The following MAST4 variants were observed in gnomAD, a reference collection of about 807,000 sequenced individuals.
MAST4 encodes microtubule-associated serine/threonine-protein kinase 4.
MAST4 carries 89 observed loss-of-function variants against 162.7 expected under a neutral mutation model. The ratio of observed to expected loss-of-function variants is 0.55; its 90% CI spans 0.46 to 0.65. The LOEUF is 0.65. MAST4 is among the 30% of genes least tolerant of loss of function. The pLI, the probability that MAST4 is intolerant of heterozygous loss-of-function variation, is 0.00. For missense variants in MAST4, 3,153 were observed against 3,374.0 expected (o/e 0.93, Z 1.62); for synonymous variants, 1,479 against 1,361.1 (o/e 1.09, Z -1.91).
At chr5:67,152,023 C>T (rs547674752) in intron 24 of MAST4, among the ~76,000 whole-genome samples, 1 of 152,284 alleles carries the variant, frequency 6.6e-6, no homozygotes, top group African/African-American at 2.4e-5. Context: ...CTACCTTGGC[C>T]TCTCAAAAGT....
chr5:66,784,744 G>A (rs1020286774), intron 2 of MAST4, among the ~76,000 whole-genome samples: 1 of 152,170 alleles, frequency 6.6e-6, no homozygotes, highest in South Asian at 2.1e-4. Flanking sequence ...CAGGTCTTAC[G>A]ATAATATGAA....
chr5:67,005,375 TA>T (rs1303714335), intron 4 of MAST4, among the ~76,000 whole-genome samples: 1 of 152,210 alleles, frequency 6.6e-6, no homozygotes, highest in Non-Finnish European at 1.5e-5. Context: ...GAGGAGGAGA[TA>T]CTTTGTCTAA....
At chr5:66,970,905 G>A (rs1201418070) in intron 4 of MAST4, among the ~76,000 whole-genome samples, 2 of 152,182 alleles carry the variant, frequency 1.3e-5, no homozygotes, top group Non-Finnish European at 1.5e-5. Context: ...GCGGATTGAT[G>A]TATGCCTTTT....
intron 4 of MAST4, among the ~76,000 whole-genome samples, chr5:66,910,741 C>CT (rs1176127841): frequency 3.0e-3 from 60 of 20,092 alleles, no homozygotes; most frequent in Non-Finnish European, 5.1e-3. Flanking sequence ...TTTTTTTTTT[C>CT]TTTTTTTTTT....
At chr5:66,937,836 A>T (rs1296980027) in intron 4 of MAST4, among the ~76,000 whole-genome samples, 1 of 151,966 alleles carries the variant, frequency 6.6e-6, no homozygotes, top group Non-Finnish European at 1.5e-5. Flanking sequence ...CAGTCTAATG[A>T]TTCTGGTATT....
At chr5:66,652,043 A>G (rs1222361155) in intron 1 of MAST4, among the ~76,000 whole-genome samples, 2 of 152,190 alleles carry the variant, frequency 1.3e-5, no homozygotes, top group African/African-American at 4.8e-5. Flanking sequence ...GGAGGGGATT[A>G]CCTAGGGACA....
At chr5:66,703,615 A>C (rs769460224) in intron 1 of MAST4, among the ~76,000 whole-genome samples, 27 of 152,166 alleles carry the variant, frequency 1.8e-4, no homozygotes, top group Non-Finnish European at 3.2e-4. Context: ...ATACACATAA[A>C]ATGTGCTCAT....
chr5:66,762,399 C>G (rs6876795), intron 2 of MAST4, among the ~76,000 whole-genome samples: 12,522 of 152,210 alleles, frequency 0.082, 1,553 homozygotes, highest in African/African-American at 0.27. Flanking sequence ...CACAAAGCAG[C>G]TAGCCCAGGC....
intron 1 of MAST4, among the ~76,000 whole-genome samples, chr5:66,709,238 A>G (rs1469888442): frequency 6.6e-6 from 1 of 152,204 alleles, no homozygotes; most frequent in Non-Finnish European, 1.5e-5. Flanking sequence ...AAATTAAAAA[A>G]AAAATTCTGA....
At chr5:66,625,870 T>A (rs1017764303) in intron 1 of MAST4, among the ~76,000 whole-genome samples, 1 of 152,140 alleles carries the variant, frequency 6.6e-6, no homozygotes, top group Non-Finnish European at 1.5e-5. Flanking sequence ...GTAACAAAGA[T>A]GTAGAAACAA....
At chr5:67,081,790 T>A (rs1190023912) in intron 5 of MAST4, among the ~76,000 whole-genome samples, 3 of 152,242 alleles carry the variant, frequency 2.0e-5, no homozygotes, top group African/African-American at 7.2e-5. Context: ...GAAAATAAAA[T>A]TTCTATGCCC....
intron 1 of MAST4, among the ~76,000 whole-genome samples, chr5:66,645,961 A>G (rs1256452646): frequency 6.6e-6 from 1 of 152,154 alleles, no homozygotes; most frequent in African/African-American, 2.4e-5. Flanking sequence ...TTTTCTTCAC[A>G]TAAGACTTAA....
chr5:67,084,486 A>G (rs1297673483), intron 5 of MAST4, among the ~76,000 whole-genome samples: 1 of 152,234 alleles, frequency 6.6e-6, no homozygotes, highest in Non-Finnish European at 1.5e-5. Flanking sequence ...AGCCCTGTGC[A>G]TAACAAGAAC....
chr5:66,812,660 ATG>A (rs1291001678), intron 3 of MAST4, among the ~76,000 whole-genome samples: 3 of 152,138 alleles, frequency 2.0e-5, no homozygotes, highest in African/African-American at 7.2e-5. Context: ...CTGAGGGTGA[ATG>A]TGTGGATTTT....
At chr5:67,068,652 G>A (rs1238608709) in intron 5 of MAST4, among the ~76,000 whole-genome samples, 1 of 152,196 alleles carries the variant, frequency 6.6e-6, no homozygotes, top group Non-Finnish European at 1.5e-5. Context: ...ATAGATAGTG[G>A]TGGTGGGGTG....
At chr5:67,120,978 A>G (rs779051317) in intron 13 of MAST4, 39 bp from the exon 14 acceptor site, 7 of 1,423,386 alleles carry the variant, frequency 4.9e-6, no homozygotes, top group Non-Finnish European at 6.8e-6. Flanking sequence ...ATTTTCTTAA[A>G]TCTAAACTAC....
intron 1 of MAST4, among the ~76,000 whole-genome samples, chr5:66,645,201 C>G (rs752181205): frequency 3.9e-5 from 6 of 152,156 alleles, no homozygotes; most frequent in Admixed American, 6.5e-5. Context: ...GATGATAAAA[C>G]TAAGGCCCAG....
intron 3 of MAST4, among the ~76,000 whole-genome samples, chr5:66,827,340 A>C (rs775868276): frequency 6.6e-6 from 1 of 152,214 alleles, no homozygotes; most frequent in Non-Finnish European, 1.5e-5. Context: ...TCAAATCAAC[A>C]TGCCTAAGTG....
intron 1 of MAST4, among the ~76,000 whole-genome samples, chr5:66,750,253 A>G (rs561525305): frequency 1.7e-3 from 255 of 152,306 alleles, no homozygotes; most frequent in African/African-American, 5.8e-3. Context: ...GGGCATGTGC[A>G]TACTGGATGA....
Sources: allele counts gnomAD v4.1 joint callset (sites outside exome capture counted in the v4.1 genomes callset), GRCh38; gene constraint gnomAD v4.1.1; transcripts MANE v1.5; gene names NCBI Gene and HGNC (gene_info 2026-07-23, HGNC 2026-07-21).